SPTY2D1: variants seen among roughly 807,000 people sequenced by gnomAD.
SPTY2D1 encodes the protein SPT2 chromatin protein domain containing 1, also known as protein SPT2 homolog.
Under a neutral mutation model 64.0 loss-of-function variants are expected in SPTY2D1, and 21 were observed. The observed-to-expected ratio is 0.33, with a 90% confidence interval of 0.23 to 0.47. The LOEUF is 0.47. Among genes scored for constraint, SPTY2D1 ranks in the 20% least tolerant of loss-of-function variants. SPTY2D1 has a pLI of 1.00. For missense variants in SPTY2D1, 724 were observed against 837.2 expected, an observed-to-expected ratio of 0.86 and a Z score of 1.67; for synonymous variants, 287 against 286.8, an observed-to-expected ratio of 1.00 and a Z score of -0.01.
intron 1 of SPTY2D1, 132 bp downstream of exon 1, chr11:18,634,064 GAA>G (rs1854629936): frequency 1.0e-6 from 1 of 972,990 alleles, no homozygotes; most frequent in African/African-American, 1.6e-5. Context: ...ATAAACCCAA[GAA>G]AAGGAAATAA....
In SPTY2D1 at chr11:18,612,279, G is replaced by T; in HGVS notation, c.1886+35C>A. The T allele has an allele frequency of 6.6e-7, 1 of 1,519,508 alleles. No homozygotes were observed. The highest frequency in any genetic ancestry group is 2.3e-5 in the East Asian group (1 of 43,756). The allele number at this position is 1,519,508 out of a possible 1,614,324, so 94.1% of individuals were successfully genotyped here. A position where few individuals can be genotyped will look rare whatever the true frequency, so the allele number is the denominator to read the frequency against. ...CATGAATTATTCAAAATAAAAAAAGGATGTCATAGTTATCTGAATCTTCTT... is the reference window on the plus strand; with the variant it reads ...CATGAATTATTCAAAATAAAAAAAGTATGTCATAGTTATCTGAATCTTCTT... On this transcript the variant is annotated intron_variant, in intron 4 of 5. Coordinates refer to ENST00000336349, the MANE Select transcript of SPTY2D1 (RefSeq NM_194285.3). This position sits in a 1 kb window ranked among gnomAD's most constrained non-coding sequence, Gnocchi z 4.6.
At chr11:18,626,784 A>G (rs1478876959) in intron 1 of SPTY2D1, among the ~76,000 whole-genome samples, 2 of 152,226 alleles carry the variant, frequency 1.3e-5, no homozygotes, top group Admixed American at 6.5e-5. Context: ...TGTTATTCAG[A>G]AAGAGATTAT....
Position 18,609,098 on chromosome 11 carries a change from T to A in SPTY2D1, c.*763A>T, listed in dbSNP as rs1179883858. The A allele has an allele frequency of 2.0e-5, 3 of 152,246 alleles. No homozygotes were observed. The highest frequency in any genetic ancestry group is 7.2e-5 in the African/African-American group (3 of 41,454). 9.4% of individuals were successfully genotyped at this position (152,246 alleles called of 1,614,324 possible). On this transcript the variant is annotated 3_prime_UTR_variant, in exon 6 of 6. Coordinates refer to ENST00000336349, the MANE Select transcript of SPTY2D1 (RefSeq NM_194285.3). ...TCTTCGATATAAAAATGAATTTTTT[T>A]AGATAAAAATCAATCAGCACAGTGA...
At chr11:18,624,120 C>G (rs183357878) in intron 1 of SPTY2D1, among the ~76,000 whole-genome samples, 1 of 151,900 alleles carries the variant, frequency 6.6e-6, no homozygotes, top group East Asian at 1.9e-4. Flanking sequence ...GCAATAGACC[C>G]TGGTATCAAA....
chr11:18,613,747 T>C (rs1412290037), intron 3 of SPTY2D1, among the ~76,000 whole-genome samples: 1 of 152,198 alleles, frequency 6.6e-6, no homozygotes, highest in East Asian at 1.9e-4. Flanking sequence ...AAGTACGACC[T>C]AGCAGCTAGC....
chr11:18,623,797 C>T (rs1453004165), intron 1 of SPTY2D1, among the ~76,000 whole-genome samples: 3 of 152,238 alleles, frequency 2.0e-5, no homozygotes, highest in African/African-American at 7.2e-5. Context: ...ATGGAGAACA[C>T]TGACAGATAC....
In SPTY2D1 at chr11:18,607,388, A is replaced by C. The variant is rs928451023; in HGVS notation, c.*2473T>G. 6.6e-6 allele frequency: 1 copy of C among 152,656 alleles called. No individual in the cohort carries two copies. The highest frequency in any genetic ancestry group is 2.4e-5 in the African/African-American group (1 of 41,460). The allele number at this position is 152,656 out of a possible 1,614,324, so 9.5% of individuals were successfully genotyped here. A position where few individuals can be genotyped will look rare whatever the true frequency, so the allele number is the denominator to read the frequency against. ...CAGAGCCATGAGTTTTATGAAAACT[A>C]CTTTCCTTTCACATCATTTGTTAGA... On this transcript the variant is annotated 3_prime_UTR_variant, in exon 6 of 6. Transcript: ENST00000336349.
intron 1 of SPTY2D1, among the ~76,000 whole-genome samples, chr11:18,628,371 T>C (rs1030680777): frequency 6.6e-6 from 1 of 152,206 alleles, no homozygotes; most frequent in Non-Finnish European, 1.5e-5. Flanking sequence ...CTTTTTAACA[T>C]TGAGCTAGCA....
At chr11:18,616,578 A>G (rs903231473) in intron 2 of SPTY2D1, among the ~76,000 whole-genome samples, 4 of 152,220 alleles carry the variant, frequency 2.6e-5, no homozygotes, top group African/African-American at 4.8e-5. Flanking sequence ...TTAAAGAAAG[A>G]ATGGAGTTCT....
At position 18,615,041 on chromosome 11, in the gene SPTY2D1, T is replaced by G; in HGVS notation, c.1233A>C (p.Ser411=). The change falls in exon 3 of 6, where the codon TCA becomes TCC. Residue 411 remains serine (S), a synonymous_variant. Transcript: ENST00000336349. Reference sequence around the variant, plus strand: ...TGGTTGGCTTCTTGGACCCACTGATTGATCGCTCAGGTCCTGAGCTGGAGC... The same window carrying G: ...TGGTTGGCTTCTTGGACCCACTGATGGATCGCTCAGGTCCTGAGCTGGAGC... The part of the protein sequence containing the change: ...NGSSSSGPER[S]ISGSKKPTND... 2 of 1,614,146 alleles carry G rather than the reference T, an allele frequency of 1.2e-6. No individual in the cohort carries two copies. Among genetic ancestry groups the G allele is most frequent in the Non-Finnish European group, 1.7e-6 (2 of 1,180,050 alleles).
rs1015340017 is a variant in SPTY2D1, at chr11:18,608,795, T to C, written c.*1066A>G. ...CTTCCTACCTGGGGAAAAAAATCTC[T>C]TCACAGTGCATAGTTTGAAATCAAA... On this transcript the variant is annotated 3_prime_UTR_variant, in exon 6 of 6. Coordinates refer to ENST00000336349, the MANE Select transcript of SPTY2D1 (RefSeq NM_194285.3). The C allele has an allele frequency of 3.3e-5, 5 of 152,626 alleles. No individual in the cohort carries two copies. The highest frequency in any genetic ancestry group is 1.2e-4 in the African/African-American group (5 of 41,438). 9.5% of individuals were successfully genotyped at this position (152,626 alleles called of 1,614,324 possible).
chr11:18,612,983 C>T lies in SPTY2D1; in HGVS notation c.1712-495G>A, dbSNP rs1009679659. 2.0e-5 allele frequency among the ~76,000 whole-genome samples: 3 copies of T among 152,232 alleles called. No homozygotes were observed. The highest frequency in any genetic ancestry group is 2.1e-4 in the South Asian group (1 of 4,826). On this transcript the variant is annotated intron_variant, in intron 3 of 5. Coordinates refer to ENST00000336349, the MANE Select transcript of SPTY2D1 (RefSeq NM_194285.3). This position sits in a 1 kb window ranked among gnomAD's most constrained non-coding sequence, Gnocchi z 4.6. ...TTCTCCACGTTGGTCAGGCTGGTCT[C>T]GAACTCCCGACCTCAGGTGATCTGT...
chr11:18,606,624 T>A lies in SPTY2D1; in HGVS notation c.*3237A>T, dbSNP rs983475181. 3 of 367,400 alleles carry A rather than the reference T, an allele frequency of 8.2e-6. No individual in the cohort carries two copies. Among genetic ancestry groups the A allele is most frequent in the Non-Finnish European group, 1.5e-5 (3 of 195,188 alleles). The allele number at this position is 367,400 out of a possible 1,614,324, so 22.8% of individuals were successfully genotyped here. ...CTCACTCTTAATCATACACTAAACG[T>A]CTGAATATTTAATCACATCCACTCA... On this transcript the variant is annotated 3_prime_UTR_variant, in exon 6 of 6. Transcript: ENST00000336349.
At position 18,615,783 on chromosome 11, in the gene SPTY2D1, G is replaced by A; in HGVS notation, c.491C>T (p.Pro164Leu). The A allele has an allele frequency of 6.2e-7, 1 of 1,614,042 alleles. No individual in the cohort carries two copies. Among genetic ancestry groups the A allele is most frequent in the Non-Finnish European group, 8.5e-7 (1 of 1,179,986 alleles). Residue 164 changes from proline to leucine, a missense_variant, in exon 3 of 6, where the codon CCA (proline) becomes CTA (leucine). Pro to Leu is a moderately conservative substitution (Grantham distance 98). Transcript: ENST00000336349. ...TAAATCAGTGAAGTTCATGGGTGGT[G>A]GGGCACTTTTAAGGGGGACCTTTGG... ...SKPKVPLKSA[P>L]PPMNFTDLLR...
chr11:18,634,143 AT>A, intron 1 of SPTY2D1, 54 bp downstream of exon 1: 7 of 1,604,450 alleles, frequency 4.4e-6, no homozygotes, highest in Non-Finnish European at 6.0e-6. Context: ...GGCCACACAC[AT>A]TCCGAACTTG....
chr11:18,615,821 T>G lies in SPTY2D1; in HGVS notation c.453A>C (p.Lys151Asn). ...QEYEEEQEPP[K>N]VESKPKVPLK... is the part of the protein sequence containing the mutation. Reference sequence around the variant, plus strand: ...GGGGGACCTTTGGTTTGCTTTCAACTTTGGGAGGTTCTTGCTCTTCCTCAT... The same window carrying G: ...GGGGGACCTTTGGTTTGCTTTCAACGTTGGGAGGTTCTTGCTCTTCCTCAT... Residue 151 changes from lysine (K) to asparagine (N), a missense_variant, in exon 3 of 6, where the codon AAA (lysine) becomes AAC (asparagine). This residue lies in a region of SPTY2D1 where 179 missense variants were observed against 232.5 expected (regional missense o/e 0.77). Transcript: ENST00000336349. 1 of 1,614,116 alleles carries G rather than the reference T, an allele frequency of 6.2e-7. No homozygotes were observed. Among genetic ancestry groups the G allele is most frequent in the Non-Finnish European group, 8.5e-7 (1 of 1,180,008 alleles).
intron 1 of SPTY2D1, among the ~76,000 whole-genome samples, chr11:18,620,886 C>CAAA (rs10715602): frequency 4.1e-5 from 5 of 122,040 alleles, no homozygotes; most frequent in African/African-American, 1.5e-4. Flanking sequence ...GACTCTATCT[C>CAAA]AAAAAAAAAA....
chr11:18,610,167 C>CA (rs1854177217), intron 5 of SPTY2D1: 1 of 463,228 alleles, frequency 2.2e-6, no homozygotes, highest in South Asian at 4.5e-5. Context: ...TCACACACCA[C>CA]AAAAACCTTA....
chr11:18,630,194 T>A (rs1854565142), intron 1 of SPTY2D1, among the ~76,000 whole-genome samples: 3 of 139,708 alleles, frequency 2.1e-5, no homozygotes, highest in African/African-American at 8.1e-5. Context: ...AATAAAGCTC[T>A]GGCCGGGCAT....
Sources: gnomAD v4.1 joint callset for allele counts (sites outside exome capture counted in the v4.1 genomes callset) on GRCh38, gnomAD v4.1.1 for gene constraint, gnomAD v4.1.1 regional missense constraint, Gnocchi (gnomAD v3.1) non-coding constraint, MANE v1.5 for transcripts, NCBI Gene and HGNC (gene_info 2026-07-23, HGNC 2026-07-21) for gene names.